The following TRPC7 variants were observed in gnomAD, a reference collection of about 807,000 sequenced individuals.
The protein encoded by TRPC7 is short transient receptor potential channel 7.
A neutral mutation model predicts 90.1 loss-of-function variants in TRPC7; 42 were observed. The ratio of observed to expected loss-of-function variants is 0.47; its 90% CI spans 0.36 to 0.60. The LOEUF is 0.60. Ranked by LOEUF, TRPC7 falls within the 20% of genes least tolerant of loss-of-function variation. The pLI, the probability that TRPC7 is intolerant of heterozygous loss-of-function variation, is 0.00. For synonymous variants in TRPC7, 451 were observed against 436.3 expected (o/e 1.03, Z -0.42); for missense variants, 955 against 1,112.3 (o/e 0.86, Z 2.01).
At chr5:136,213,712 G>C in intron 11 of TRPC7, 108 bp from the exon 12 acceptor site, 1 of 1,275,094 alleles carries the variant, frequency 7.8e-7, no homozygotes, top group Non-Finnish European at 1.1e-6. Context: ...CGGGTCCTGG[G>C]CCAGCCCACC....
At chr5:136,274,915 T>G (rs1757314343) in intron 3 of TRPC7, 78 bp from the exon 4 acceptor site, 1 of 1,449,010 alleles carries the variant, frequency 6.9e-7, no homozygotes, top group South Asian at 1.4e-5. Flanking sequence ...GTATACAACC[T>G]AGGAGTAGCT....
In TRPC7 at chr5:136,356,801, T is replaced by C. The variant is rs1207968413; in HGVS notation, c.587A>G (p.Tyr196Cys). 1 of 1,612,594 alleles carries C rather than the reference T, an allele frequency of 6.2e-7. No homozygotes were observed. Among genetic ancestry groups the C allele is most frequent in the South Asian group, 1.1e-5 (1 of 91,008 alleles). ...GGTGCACTCATTGCACTTGCAGAAG[T>C]AGTCGTGGGGCCGCTCGATGCGGGC... The part of the protein sequence containing the change: ...KGARIERPHD[Y>C]FCKCNECTEK... Residue 196 changes from tyrosine to cysteine, a missense_variant, in exon 2 of 12, where the codon TAC becomes TGC. This residue lies in a region of TRPC7 where 484 missense variants were observed against 509.6 expected (regional missense o/e 0.95). Transcript: ENST00000513104.
At chr5:136,246,531 C>A (rs554322655) in intron 7 of TRPC7, among the ~76,000 whole-genome samples, 1 of 152,302 alleles carries the variant, frequency 6.6e-6, no homozygotes, top group East Asian at 1.9e-4. Flanking sequence ...GTCCATCATG[C>A]CCATGCTGTG....
At chr5:136,279,094 T>A (rs1757462470) in intron 3 of TRPC7, among the ~76,000 whole-genome samples, 1 of 152,156 alleles carries the variant, frequency 6.6e-6, no homozygotes, top group Admixed American at 6.5e-5. Flanking sequence ...AACTCTTACG[T>A]TAGGTCTCTT....
rs1254334442 is a variant in TRPC7, at chr5:136,337,892, T to C, written c.780+18716A>G. On this transcript the variant is annotated intron_variant, in intron 2 of 11. Transcript: ENST00000513104. The stretch of plus-strand genomic sequence containing the variant: ...AGTATGTAGAAGAAGCTGGGAGAGC[T>C]ATTAACTCAACAGGCAAAGACCTAA... Among the ~76,000 whole-genome samples the C allele has an allele frequency of 2.0e-5, 3 of 152,140 alleles. No individual in the cohort carries two copies. In the East Asian group the frequency reaches 5.8e-4, roughly 29 times the overall value.
At chr5:136,351,503 G>A (rs1313126442) in intron 2 of TRPC7, among the ~76,000 whole-genome samples, 1 of 152,166 alleles carries the variant, frequency 6.6e-6, no homozygotes, top group African/African-American at 2.4e-5. Flanking sequence ...TGAGAAACTG[G>A]TGCAAACACT....
chr5:136,239,055 T>C (rs1431931982), intron 7 of TRPC7, among the ~76,000 whole-genome samples: 1 of 152,188 alleles, frequency 6.6e-6, no homozygotes, highest in Non-Finnish European at 1.5e-5. Flanking sequence ...GCCTTCTCCA[T>C]CAAGCCTTAG....
In TRPC7 at chr5:136,264,785, G is replaced by T. The variant is rs1580877903; in HGVS notation, c.1345+1435C>A. 2.6e-5 allele frequency among the ~76,000 whole-genome samples: 4 copies of T among 152,198 alleles called. 1 individual carries two copies. The highest frequency in any genetic ancestry group is 6.8e-3 in the Middle Eastern group (2 of 294). On this transcript the variant is annotated intron_variant, in intron 5 of 11. Coordinates refer to ENST00000513104, the MANE Select transcript of TRPC7 (RefSeq NM_020389.3). ...ATTTTGTATTTTTAGTAGAGGCAGG[G>T]TTTCACCATGTTGATCAGGCTGGTC...
chr5:136,234,385 C>T (rs569201310), intron 7 of TRPC7, among the ~76,000 whole-genome samples: 14 of 152,116 alleles, frequency 9.2e-5, no homozygotes, highest in Admixed American at 1.3e-4. Context: ...TCTTGGCTCA[C>T]GGCAACCTCC....
chr5:136,276,217 G>C (rs1335915966), intron 3 of TRPC7, among the ~76,000 whole-genome samples: 1 of 152,172 alleles, frequency 6.6e-6, no homozygotes, highest in Admixed American at 6.5e-5. Flanking sequence ...CCCCATGACA[G>C]GAGGAAGCCA....
At chr5:136,316,272 T>C (rs1205653508) in intron 2 of TRPC7, among the ~76,000 whole-genome samples, 5 of 152,168 alleles carry the variant, frequency 3.3e-5, no homozygotes, top group Admixed American at 2.6e-4. Context: ...AAATAACACT[T>C]CGCTCATTTA....
At position 136,225,996 on chromosome 5, in the gene TRPC7, G is replaced by A. The variant is rs60568559; in HGVS notation, c.2262+38C>T. 7.1e-4 allele frequency: 1,087 copies of A among 1,532,764 alleles called. 3 individuals carry two copies. The African/African-American group carries it at 0.013, about 19-fold the overall frequency. The allele number at this position is 1,532,764 out of a possible 1,614,324, so 94.9% of individuals were successfully genotyped here. ...ACTCTAGACTCGCCTGCCCCCTCCT[G>A]CTGCCTTCTCCAGCCTCATAAACCA... On this transcript the variant is annotated intron_variant, in intron 9 of 11. Transcript: ENST00000513104.
chr5:136,340,300 T>TG (rs1206771334), intron 2 of TRPC7, among the ~76,000 whole-genome samples: 1 of 151,880 alleles, frequency 6.6e-6, no homozygotes, highest in African/African-American at 2.4e-5. Context: ...TGGTGGTGGG[T>TG]GGGGTGGGTA....
At chr5:136,234,668 A>T (rs940251504) in intron 7 of TRPC7, among the ~76,000 whole-genome samples, 2 of 152,042 alleles carry the variant, frequency 1.3e-5, no homozygotes, top group South Asian at 2.1e-4. Context: ...TTCTCTTTTC[A>T]TGGGGCAAAA....
chr5:136,279,199 C>T (rs1015348092), intron 3 of TRPC7, among the ~76,000 whole-genome samples: 1 of 152,140 alleles, frequency 6.6e-6, no homozygotes, highest in Non-Finnish European at 1.5e-5. Context: ...AACAAACCTC[C>T]AGTTTTCTAG....
rs535602502 is a variant in TRPC7, at chr5:136,228,839, G to C, written c.2040+2515C>G. Among the ~76,000 whole-genome samples the C allele has an allele frequency of 4.6e-5, 7 of 152,302 alleles. No homozygotes were observed. In the East Asian group the frequency reaches 1.4e-3, roughly 29 times the overall value. ...GTAAGACAGAAGTCCAGAGCCCAGA[G>C]GGAGGTGTGGGGCTGTAATACACTC... On this transcript the variant is annotated intron_variant, in intron 8 of 11. Coordinates refer to ENST00000513104, the MANE Select transcript of TRPC7 (RefSeq NM_020389.3).
At chr5:136,220,525 C>T (rs1000198858) in intron 10 of TRPC7, among the ~76,000 whole-genome samples, 1 of 152,162 alleles carries the variant, frequency 6.6e-6, no homozygotes, top group Non-Finnish European at 1.5e-5. Flanking sequence ...AGAAACCCCA[C>T]CCTGGTAAAT....
chr5:136,216,469 C>A (rs1190763232), intron 10 of TRPC7, among the ~76,000 whole-genome samples, 194 bp from the exon 11 acceptor site: 1 of 152,186 alleles, frequency 6.6e-6, no homozygotes, highest in Non-Finnish European at 1.5e-5. Context: ...GCCTCCCCCG[C>A]AGGATGCAAT....
At chr5:136,220,876 A>G (rs991850377) in intron 10 of TRPC7, among the ~76,000 whole-genome samples, 2 of 152,140 alleles carry the variant, frequency 1.3e-5, no homozygotes, top group African/African-American at 4.8e-5. Flanking sequence ...CCCAGCTGTA[A>G]AATTCCTCTC....
Sources: gnomAD v4.1 joint callset for allele counts (sites outside exome capture counted in the v4.1 genomes callset) on GRCh38, gnomAD v4.1.1 for gene constraint, gnomAD v4.1.1 regional missense constraint, MANE v1.5 for transcripts, NCBI Gene and HGNC (gene_info 2026-07-23, HGNC 2026-07-21) for gene names.